Variants in FNIP2 observed in about 807,000 individuals in gnomAD.
FNIP2 encodes folliculin-interacting protein 2.
In FNIP2, 32 loss-of-function variants were observed where a neutral mutation model predicts 108.7. That is an observed-to-expected ratio of 0.29 (90% CI 0.22 to 0.40). The LOEUF is 0.40. Ranked by LOEUF, FNIP2 falls within the 10% of genes least tolerant of loss-of-function variation. FNIP2 has a pLI of 1.00. For missense variants in FNIP2, 1,202 were observed against 1,381.6 expected (o/e 0.87, Z 2.06); for synonymous variants, 480 against 496.7 (o/e 0.97, Z 0.45).
chr4:158,837,708 G>C (rs983733214), intron 7 of FNIP2, among the ~76,000 whole-genome samples: 1 of 152,206 alleles, frequency 6.6e-6, no homozygotes, highest in Admixed American at 6.5e-5. Flanking sequence ...AGAGGAACTA[G>C]GGACTGACCA....
At chr4:158,882,700 C>T (rs1781749333) in intron 14 of FNIP2, among the ~76,000 whole-genome samples, 1 of 152,216 alleles carries the variant, frequency 6.6e-6, no homozygotes, top group Non-Finnish European at 1.5e-5. Flanking sequence ...ACCTTACCCC[C>T]AACCGGGTGC....
At chr4:158,884,870 G>C (rs1367231973) in intron 14 of FNIP2, among the ~76,000 whole-genome samples, 2 of 151,756 alleles carry the variant, frequency 1.3e-5, no homozygotes, top group Admixed American at 6.6e-5. Context: ...GCCAGCCACA[G>C]AGGCTCATGT....
rs897071539 is a variant in FNIP2, at chr4:158,853,623, G to A, written c.857+2173G>A. Among the ~76,000 whole-genome samples, 4 of 152,218 alleles carry A rather than the reference G, an allele frequency of 2.6e-5. No individual in the cohort carries two copies. In the South Asian group the frequency reaches 6.2e-4, roughly 24 times the overall value. On this transcript the variant is annotated intron_variant, in intron 8 of 16. Coordinates refer to ENST00000264433, the MANE Select transcript of FNIP2 (RefSeq NM_020840.3). ...TGCCCACCTATGAGTGAGAACATGC[G>A]GTGTTTGGTTTTCTGTCCTTGCGAT...
At chr4:158,859,022 G>A in intron 8 of FNIP2, 35 bp from the exon 9 acceptor site, 1 of 1,596,392 alleles carries the variant, frequency 6.3e-7, no homozygotes, top group Non-Finnish European at 8.6e-7. Flanking sequence ...ACTCACTGAT[G>A]CATGGCAACT....
At chr4:158,887,428 T>C (rs1312797491) in intron 14 of FNIP2, among the ~76,000 whole-genome samples, 1 of 152,134 alleles carries the variant, frequency 6.6e-6, no homozygotes, top group Non-Finnish European at 1.5e-5. Context: ...ATTGTGGTTC[T>C]ATAGATGCCT....
At chr4:158,903,487 C>T (rs995681877) in intron 16 of FNIP2, among the ~76,000 whole-genome samples, 1 of 152,196 alleles carries the variant, frequency 6.6e-6, no homozygotes, top group African/African-American at 2.4e-5. Context: ...GGCTTTACCC[C>T]ATCCTTGACC....
chr4:158,825,436 T>G (rs1778101368), intron 1 of FNIP2, among the ~76,000 whole-genome samples: 1 of 152,216 alleles, frequency 6.6e-6, no homozygotes, highest in African/African-American at 2.4e-5. Context: ...GGTATGTAAT[T>G]CCTCTTAATT....
intron 1 of FNIP2, chr4:158,806,484 A>G (rs758320556): frequency 3.9e-5 from 44 of 1,126,720 alleles, no homozygotes; most frequent in Non-Finnish European, 4.7e-5. Context: ...ACTGTGTAGT[A>G]AGGAGATGGA....
intron 1 of FNIP2, among the ~76,000 whole-genome samples, chr4:158,789,864 C>G (rs1776353017): frequency 6.6e-6 from 1 of 151,854 alleles, no homozygotes; most frequent in Admixed American, 6.6e-5. Flanking sequence ...GAAATAATGC[C>G]TTACCCAAGG....
rs537483192 is a variant in FNIP2, at chr4:158,796,625, C to A, written c.107+27306C>A. 1.9e-4 allele frequency among the ~76,000 whole-genome samples: 29 copies of A among 152,252 alleles called. No individual in the cohort carries two copies. In the South Asian group the frequency reaches 6.0e-3, roughly 32 times the overall value. On this transcript the variant is annotated intron_variant, in intron 1 of 16. Coordinates refer to ENST00000264433, the MANE Select transcript of FNIP2 (RefSeq NM_020840.3). ...ACAGTGCAATCATCTATGAGTTTAG[C>A]AACTCAAATAGGACAGTGAGTACTT...
At chr4:158,900,836 T>A (rs548148248) in intron 16 of FNIP2, among the ~76,000 whole-genome samples, 102 of 152,308 alleles carry the variant, frequency 6.7e-4, no homozygotes, top group African/African-American at 2.4e-3. Context: ...CGTATTTGAT[T>A]TAAGGTTAAT....
chr4:158,832,263 G>C (rs1189844083), intron 5 of FNIP2, 125 bp downstream of exon 5: 13 of 740,562 alleles, frequency 1.8e-5, no homozygotes, highest in Non-Finnish European at 8.7e-6. Context: ...ATTAACAAAG[G>C]GGCTTTAAAA....
At chr4:158,799,707 A>G (rs1404803599) in intron 1 of FNIP2, among the ~76,000 whole-genome samples, 4 of 152,178 alleles carry the variant, frequency 2.6e-5, no homozygotes, top group Non-Finnish European at 4.4e-5. Flanking sequence ...AAAGTTATGT[A>G]ATATTTTGTT....
At chr4:158,900,035 G>A (rs1481796391) in intron 16 of FNIP2, among the ~76,000 whole-genome samples, 1 of 151,988 alleles carries the variant, frequency 6.6e-6, no homozygotes, top group Admixed American at 6.6e-5. Flanking sequence ...CTAAAGATTC[G>A]GGTACACTGT....
At chr4:158,836,808 T>C (rs1284562622) in intron 7 of FNIP2, 3 of 77,326 alleles carry the variant, frequency 3.9e-5, no homozygotes, top group Non-Finnish European at 6.4e-5. Context: ...AGAGACTCCG[T>C]CTCAAAAAAA....
chr4:158,771,789 T>C (rs1401601529), intron 1 of FNIP2, among the ~76,000 whole-genome samples: 2 of 152,244 alleles, frequency 1.3e-5, no homozygotes, highest in African/African-American at 4.8e-5. Flanking sequence ...GTATATCTTC[T>C]GTTTCCATGA....
chr4:158,831,930 A>G lies in FNIP2; in HGVS notation c.451A>G (p.Lys151Glu), dbSNP rs370802128. Reference protein sequence around the residue: ...MMFGSVAMSYKGSTLKIHYIR... With the variant: ...MMFGSVAMSYEGSTLKIHYIR... ...GTTTGGCTCAGTTGCCATGAGTTAC[A>G]AAGGCTCCACCTTAAAGATACACTA... is the stretch of plus-strand genomic sequence containing the variant. The change falls in exon 4 of 17, where the codon AAA becomes GAA. Residue 151 changes from lysine to glutamate, a missense_variant. By Grantham distance (56) the Lys-to-Glu change is moderately conservative. This residue lies in a region of FNIP2 where 7 missense variants were observed against 24.2 expected (regional missense o/e 0.29). Transcript: ENST00000264433. 5.6e-6 allele frequency: 9 copies of G among 1,611,558 alleles called. No individual in the cohort carries two copies. In the African/African-American group the frequency reaches 1.1e-4, roughly 19 times the overall value.
intron 1 of FNIP2, among the ~76,000 whole-genome samples, chr4:158,791,266 C>CTTTTTTTTTTTTTTTTTTTTT (rs199714823): frequency 7.1e-5 from 7 of 98,048 alleles, no homozygotes; most frequent in Non-Finnish European, 1.3e-4. Flanking sequence ...ACTGAGGATC[C>CTTTTTTTTTTTTTTTTTTTTT]TTTTTTTTTT....
chr4:158,831,061 A>G (rs1054678601), intron 3 of FNIP2, among the ~76,000 whole-genome samples: 3 of 152,232 alleles, frequency 2.0e-5, no homozygotes, highest in Admixed American at 6.5e-5. Flanking sequence ...GCAAAACCAC[A>G]GTAAGGGATG....
Sources: gnomAD v4.1 joint callset for allele counts (sites outside exome capture counted in the v4.1 genomes callset) on GRCh38, gnomAD v4.1.1 for gene constraint, gnomAD v4.1.1 regional missense constraint, MANE v1.5 for transcripts, NCBI Gene and HGNC (gene_info 2026-07-23, HGNC 2026-07-21) for gene names.